The following FHIT variants were observed in gnomAD, a reference collection of about 807,000 sequenced individuals.
FHIT encodes the protein bis(5'-adenosyl)-triphosphatase.
In FHIT, 19 loss-of-function variants were observed where a neutral mutation model predicts 17.9. The observed-to-expected ratio is 1.06, with a 90% CI of 0.74 to 1.56. The LOEUF (loss-of-function observed/expected upper bound fraction) is 1.56. Among genes scored for constraint, FHIT ranks in the 40% most tolerant of loss-of-function variants. FHIT has a pLI of 0.00. For synonymous variants in FHIT, 81 were observed against 69.7 expected (o/e 1.16, Z -0.81); for missense variants, 248 against 189.2 (o/e 1.31, Z -1.82).
At chr3:60,681,823 G>A (rs1369089152) in intron 4 of FHIT, among the ~76,000 whole-genome samples, 1 of 152,124 alleles carries the variant, frequency 6.6e-6, no homozygotes, top group Non-Finnish European at 1.5e-5. Flanking sequence ...AAAGTTTGAA[G>A]ATAGCAGAGG....
At chr3:59,920,330 T>A (rs909970395) in intron 8 of FHIT, among the ~76,000 whole-genome samples, 1 of 152,244 alleles carries the variant, frequency 6.6e-6, no homozygotes, top group Non-Finnish European at 1.5e-5. Flanking sequence ...ATACTACATA[T>A]GACTTATACC....
chr3:60,034,970 T>C (rs1383921078), intron 5 of FHIT, among the ~76,000 whole-genome samples: 1 of 152,226 alleles, frequency 6.6e-6, no homozygotes, highest in African/African-American at 2.4e-5. Flanking sequence ...ATCTCATTCA[T>C]ACAGGAGATA....
At chr3:60,201,026 A>T (rs1702877766) in intron 5 of FHIT, among the ~76,000 whole-genome samples, 1 of 152,174 alleles carries the variant, frequency 6.6e-6, no homozygotes. Context: ...AGCTGGGAAG[A>T]CAACCACTTA....
intron 5 of FHIT, among the ~76,000 whole-genome samples, chr3:60,256,994 C>T (rs1706031398): frequency 6.6e-6 from 1 of 152,180 alleles, no homozygotes; most frequent in Admixed American, 6.5e-5. Context: ...TTAAGACATG[C>T]AAATTATTTC....
intron 5 of FHIT, among the ~76,000 whole-genome samples, chr3:60,325,606 T>A (rs1021862409): frequency 2.0e-5 from 3 of 152,260 alleles, no homozygotes; most frequent in African/African-American, 7.2e-5. Context: ...ATTACATTTT[T>A]AATCTAACAG....
At chr3:60,203,951 T>G (rs553414328) in intron 5 of FHIT, among the ~76,000 whole-genome samples, 1 of 152,050 alleles carries the variant, frequency 6.6e-6, no homozygotes, top group East Asian at 1.9e-4. Flanking sequence ...GGAAGGGTCA[T>G]GGGGAGGGGG....
chr3:60,768,956 T>C (rs1195924380), intron 4 of FHIT, among the ~76,000 whole-genome samples: 28 of 152,216 alleles, frequency 1.8e-4, no homozygotes, highest in Admixed American at 1.7e-3. Flanking sequence ...TGTATACTTC[T>C]TGGAAAAGAC....
chr3:60,518,155 A>G (rs1559507314), intron 5 of FHIT, among the ~76,000 whole-genome samples: 1 of 152,242 alleles, frequency 6.6e-6, no homozygotes, highest in Non-Finnish European at 1.5e-5. Flanking sequence ...CCAAGTTGAC[A>G]AAACTATGAC....
At chr3:60,731,475 T>C (rs938752409) in intron 4 of FHIT, among the ~76,000 whole-genome samples, 1 of 152,202 alleles carries the variant, frequency 6.6e-6, no homozygotes, top group Non-Finnish European at 1.5e-5. Flanking sequence ...TATATTGGCA[T>C]ACTTCCAGGG....
chr3:60,141,001 C>A (rs1700018467), intron 5 of FHIT, among the ~76,000 whole-genome samples: 1 of 151,958 alleles, frequency 6.6e-6, no homozygotes, highest in Non-Finnish European at 1.5e-5. Context: ...CTGGTAACAC[C>A]AAAAGAAATT....
At chr3:59,878,914 A>T (rs959417599) in intron 8 of FHIT, among the ~76,000 whole-genome samples, 3 of 152,092 alleles carry the variant, frequency 2.0e-5, no homozygotes, top group South Asian at 4.1e-4. Flanking sequence ...CCTTGTTCAT[A>T]TCTTATACTG....
chr3:60,174,683 T>C (rs1412317470), intron 5 of FHIT, among the ~76,000 whole-genome samples: 1 of 152,036 alleles, frequency 6.6e-6, no homozygotes. Flanking sequence ...AATATAAAAT[T>C]AACCATTTAA....
chr3:60,562,091 G>A (rs1453900619), intron 4 of FHIT, among the ~76,000 whole-genome samples: 1 of 152,118 alleles, frequency 6.6e-6, no homozygotes, highest in East Asian at 1.9e-4. Flanking sequence ...TCTACTATGT[G>A]CCAGACCCTG....
At chr3:60,249,958 C>G (rs1014679661) in intron 5 of FHIT, among the ~76,000 whole-genome samples, 1 of 152,092 alleles carries the variant, frequency 6.6e-6, no homozygotes, top group Admixed American at 6.6e-5. Context: ...ACCATCAGAT[C>G]TTGTGAGACT....
intron 5 of FHIT, among the ~76,000 whole-genome samples, chr3:60,080,593 C>T (rs537093082): frequency 6.6e-6 from 1 of 152,164 alleles, no homozygotes; most frequent in South Asian, 2.1e-4. Flanking sequence ...GAGCAAGGTA[C>T]TAAGACATGA....
chr3:60,793,929 G>A (rs908741823), intron 4 of FHIT, among the ~76,000 whole-genome samples: 7 of 152,176 alleles, frequency 4.6e-5, no homozygotes, highest in Admixed American at 1.3e-4. Flanking sequence ...AGCTGGGGCA[G>A]GGCTCACAGA....
At chr3:61,155,038 C>T (rs1213267755) in intron 2 of FHIT, among the ~76,000 whole-genome samples, 1 of 152,214 alleles carries the variant, frequency 6.6e-6, no homozygotes, top group African/African-American at 2.4e-5. Flanking sequence ...CCGCTCTCTT[C>T]AGGAAGGTTC....
intron 5 of FHIT, among the ~76,000 whole-genome samples, chr3:60,170,806 G>A (rs534108529): frequency 6.1e-4 from 93 of 152,168 alleles, no homozygotes; most frequent in African/African-American, 2.0e-3. Context: ...TTATGAACAG[G>A]TAATCTATAT....
intron 4 of FHIT, among the ~76,000 whole-genome samples, chr3:60,639,174 C>T (rs782475912): frequency 2.0e-5 from 3 of 150,978 alleles, no homozygotes; most frequent in Non-Finnish European, 2.9e-5. Flanking sequence ...GGGAATAAAC[C>T]AAGTAGAAAG....
Sources: gnomAD v4.1 joint callset for allele counts (sites outside exome capture counted in the v4.1 genomes callset) on GRCh38, gnomAD v4.1.1 for gene constraint, MANE v1.5 for transcripts, NCBI Gene and HGNC (gene_info 2026-07-23, HGNC 2026-07-21) for gene names.